TTC16: variants seen among roughly 807,000 people sequenced by gnomAD.
TTC16 encodes the protein tetratricopeptide repeat domain 16, also known as tetratricopeptide repeat protein 16.
TTC16 carries 66 observed loss-of-function variants against 80.4 expected under a neutral mutation model. The observed-to-expected ratio is 0.82, with a 90% CI of 0.67 to 1.01. The LOEUF (loss-of-function observed/expected upper bound fraction) is 1.01. Ranked by LOEUF, TTC16 falls within the 50% of genes least tolerant of loss-of-function variation. The pLI is 0.00. For missense variants in TTC16, 1,070 were observed against 1,103.2 expected (o/e 0.97, Z 0.43); for synonymous variants, 438 against 451.3 (o/e 0.97, Z 0.37).
intron 6 of TTC16, among the ~76,000 whole-genome samples, chr9:127,721,987 T>G (rs1333146817): frequency 6.6e-6 from 1 of 152,188 alleles, no homozygotes; most frequent in Non-Finnish European, 1.5e-5. Context: ...TGATAATTAT[T>G]GGTGACTGTT....
chr9:127,719,072 A>G lies in TTC16; in HGVS notation c.427-1006A>G, dbSNP rs567059804. Among the ~76,000 whole-genome samples, 10 of 151,844 alleles carry G rather than the reference A, an allele frequency of 6.6e-5. No homozygotes were observed. The East Asian group carries it at 1.8e-3, about 27-fold the overall frequency. ...CTAAAAATACAAAAACTAGCTAGGC[A>G]TGGTGGCACGTGCCTGTAATCCCAG... On this transcript the variant is annotated intron_variant, in intron 4 of 13. Transcript: ENST00000373289.
Position 127,726,352 on chromosome 9 carries a change from G to A in TTC16, c.1373G>A (p.Gly458Glu). Residue 458 changes from glycine to glutamate, a missense_variant, in exon 10 of 14, where the codon GGG becomes GAG. Coordinates refer to ENST00000373289, the MANE Select transcript of TTC16 (RefSeq NM_144965.3). ...CGGCAGCTGCTGCAGAACATTTTTG[G>A]GGCCCGCCAGGATGTGGCCACTGTC... is the stretch of plus-strand genomic sequence containing the variant. The part of the protein sequence containing the change: ...KSRQLLQNIF[G>E]ARQDVATVLL... 2 of 1,611,996 alleles carry A rather than the reference G, an allele frequency of 1.2e-6. No homozygotes were observed. The highest frequency in any genetic ancestry group is 1.7e-6 in the Non-Finnish European group (2 of 1,179,194).
intron 9 of TTC16, among the ~76,000 whole-genome samples, 164 bp downstream of exon 9, chr9:127,725,061 T>C (rs1203702645): frequency 6.6e-6 from 1 of 152,158 alleles, no homozygotes; most frequent in Non-Finnish European, 1.5e-5. Context: ...GGTCGAGAGT[T>C]TGAGACCAAT....
chr9:127,717,860 T>C, intron 4 of TTC16, 88 bp downstream of exon 4: 1 of 1,481,166 alleles, frequency 6.8e-7, no homozygotes. Context: ...TCTGTCTCCT[T>C]AGATTCCTCC....
In TTC16 at chr9:127,724,755, G is replaced by C; in HGVS notation, c.1118-1G>C. 3 of 1,609,146 alleles carry C rather than the reference G, an allele frequency of 1.9e-6. No individual in the cohort carries two copies. Among genetic ancestry groups the C allele is most frequent in the Non-Finnish European group, 2.5e-6 (3 of 1,179,102 alleles). On this transcript the variant is annotated splice_acceptor_variant, in intron 8 of 13. Transcript: ENST00000373289. LOFTEE classifies it high-confidence loss of function. ...CACTCACCCCCGCCTCCGGACCCTA[G>C]ATTGCTTCTTCCAGCTGGGCAACCT...
At chr9:127,720,937 TTCC>T (rs1173069232) in intron 6 of TTC16, among the ~76,000 whole-genome samples, 1 of 114,634 alleles carries the variant, frequency 8.7e-6, no homozygotes, top group East Asian at 2.9e-4. Context: ...CCCTTCCCCC[TTCC>T]TCCTTTCCTC....
rs1843193408 is a variant in TTC16 at position 127,718,102 on chromosome 9, A to T, written c.426+330A>T. Among the ~76,000 whole-genome samples, 2 of 151,890 alleles carry T rather than the reference A, an allele frequency of 1.3e-5. No homozygotes were observed. The highest frequency in any genetic ancestry group is 4.2e-4 in the South Asian group (2 of 4,814). ...TTTATTTTATTTTATTATTATTATTATTTTTGAGACAGTCTTGCTCTGTCA... is the reference window on the plus strand; with the variant it reads ...TTTATTTTATTTTATTATTATTATTTTTTTTGAGACAGTCTTGCTCTGTCA... On this transcript the variant is annotated intron_variant, in intron 4 of 13. Coordinates refer to ENST00000373289, the MANE Select transcript of TTC16 (RefSeq NM_144965.3). This position sits in a 1 kb window ranked among gnomAD's most constrained non-coding sequence, Gnocchi z 4.6.
rs754250819 is a variant in TTC16, at chr9:127,720,335, G to C, written c.597G>C (p.Gln199His). The change falls in exon 6 of 14, where the codon CAG (glutamine) becomes CAC (histidine). Residue 199 changes from glutamine (Q) to histidine (H), a missense_variant. By Grantham distance (24) the Gln-to-His change is conservative. Transcript: ENST00000373289. The part of the protein sequence containing the change: ...CLTLITNELK[Q>H]DTTNADVYIF... ...CGCTCATCACCAACGAGCTGAAGCA[G>C]GACACCACCAACGCCGATGTCTACA... 22 of 1,613,376 alleles carry C rather than the reference G, an allele frequency of 1.4e-5. No homozygotes were observed.
intron 12 of TTC16, 88 bp from the exon 13 acceptor site, chr9:127,729,493 C>G (rs1844214790): frequency 9.0e-7 from 1 of 1,108,606 alleles, no homozygotes; most frequent in Non-Finnish European, 1.4e-6. Flanking sequence ...AGAATGACCA[C>G]CGAGGGGCCC....
Position 127,727,366 on chromosome 9 carries a change from G to A in TTC16, c.1665G>A (p.Leu555=). ...GEPLIATSEE[L]KATPEIPQVK... is the part of the protein sequence containing the mutation. ...CTTTGATTGCGACCTCCGAGGAGCT[G>A]AAGGCCACCCCTGAGATTCCGCAGG... The change falls in exon 12 of 14, where the codon CTG becomes CTA. Residue 555 remains leucine, a synonymous_variant. Transcript: ENST00000373289. 1 of 1,610,960 alleles carries A rather than the reference G, an allele frequency of 6.2e-7. No individual in the cohort carries two copies. The highest frequency in any genetic ancestry group is 8.5e-7 in the Non-Finnish European group (1 of 1,178,364).
At position 127,727,390 on chromosome 9, in the gene TTC16, G is replaced by A; in HGVS notation, c.1689G>A (p.Gln563=). The A allele has an allele frequency of 6.2e-7, 1 of 1,611,508 alleles. No homozygotes were observed. Among genetic ancestry groups the A allele is most frequent in the Non-Finnish European group, 8.5e-7 (1 of 1,179,286 alleles). ...EELKATPEIP[Q]VKPGSSEGEA... is the part of the protein sequence containing the mutation. Reference sequence around the variant, plus strand: ...TGAAGGCCACCCCTGAGATTCCGCAGGTAAAACCGGGAAGCTCAGAGGGAG... The same window carrying A: ...TGAAGGCCACCCCTGAGATTCCGCAAGTAAAACCGGGAAGCTCAGAGGGAG... The change falls in exon 12 of 14, where the codon CAG becomes CAA. Residue 563 remains glutamine, a synonymous_variant. Transcript: ENST00000373289.
chr9:127,724,092 C>A, intron 7 of TTC16, 28 bp from the exon 8 acceptor site: 1 of 1,537,408 alleles, frequency 6.5e-7, no homozygotes, highest in South Asian at 1.2e-5. Context: ...CATGTCCCTC[C>A]TGCCGTCTCC....
intron 6 of TTC16, 100 bp from the exon 7 acceptor site, chr9:127,723,019 C>A: frequency 8.4e-7 from 1 of 1,190,804 alleles, no homozygotes; most frequent in Non-Finnish European, 1.2e-6. Context: ...GTGAGGGGCA[C>A]GGAGGAGGCA....
intron 6 of TTC16, among the ~76,000 whole-genome samples, chr9:127,720,806 CCCTCCTTCTTTCTT>C: frequency 7.0e-6 from 1 of 141,864 alleles, no homozygotes; most frequent in South Asian, 2.3e-4. Flanking sequence ...CCCCCTTCCT[CCCTCCTTCTTTCTT>C]CCCTCCTGCC....
rs904265252 is a variant in TTC16 at position 127,718,311 on chromosome 9, C to T, written c.426+539C>T. Among the ~76,000 whole-genome samples the T allele has an allele frequency of 9.2e-5, 14 of 152,160 alleles. No individual in the cohort carries two copies. Among genetic ancestry groups the T allele is most frequent in the African/African-American group, 3.4e-4 (14 of 41,436 alleles). On this transcript the variant is annotated intron_variant, in intron 4 of 13. Coordinates refer to ENST00000373289, the MANE Select transcript of TTC16 (RefSeq NM_144965.3). This position sits in a 1 kb window ranked among gnomAD's most constrained non-coding sequence, Gnocchi z 4.6. ...CTTTGTTGCCCAGGCTGGTCTTGAA[C>T]TCCTGGGCTCAGGCAATCCACCCAC... is the stretch of plus-strand genomic sequence containing the variant.
intron 3 of TTC16, 95 bp downstream of exon 3, chr9:127,717,519 A>G: frequency 1.3e-6 from 2 of 1,572,048 alleles, no homozygotes; most frequent in South Asian, 2.4e-5. Flanking sequence ...AGGGCCACCA[A>G]GTCCCTGATG....
At chr9:127,726,172 CA>C in intron 9 of TTC16, 66 bp from the exon 10 acceptor site, 1 of 1,435,188 alleles carries the variant, frequency 7.0e-7, no homozygotes, top group South Asian at 1.5e-5. Flanking sequence ...CAGTGGGGCC[CA>C]GTAGCCACCA....
At position 127,727,653 on chromosome 9, in the gene TTC16, G is replaced by A. The variant is rs1844090875; in HGVS notation, c.1764+188G>A. The A allele has an allele frequency of 2.4e-6, 3 of 1,256,998 alleles. No individual in the cohort carries two copies. The Admixed American group carries it at 9.0e-5, about 38-fold the overall frequency. 77.9% of individuals were successfully genotyped at this position (1,256,998 alleles called of 1,614,324 possible). On this transcript the variant is annotated intron_variant, in intron 12 of 13. Coordinates refer to ENST00000373289, the MANE Select transcript of TTC16 (RefSeq NM_144965.3). ...GATGGTACCAGCAAGGGGTGCTCCT[G>A]ACGGAGGGTGTGTGGGGATGTGGGC...
In TTC16 at chr9:127,730,978, G is replaced by C. The variant is rs1465811713; in HGVS notation, c.2195G>C (p.Ser732Thr). The change falls in exon 14 of 14, where the codon AGC becomes ACC. Residue 732 changes from serine (S) to threonine (T), a missense_variant. Physicochemically the swap from Ser to Thr is moderately conservative, Grantham distance 58. Transcript: ENST00000373289. ...AGGGCCACCCAGGGCCAGGGGCAGA[G>C]CTCCAGCAAGACTGAGGCCACTCAG... ...KTRATQGQGQ[S>T]SSKTEATQGQ... 1.9e-6 allele frequency: 3 copies of C among 1,612,454 alleles called. No homozygotes were observed. The Admixed American group carries it at 5.0e-5, about 27-fold the overall frequency.
Sources: gnomAD v4.1 joint callset for allele counts (sites outside exome capture counted in the v4.1 genomes callset) on GRCh38, gnomAD v4.1.1 for gene constraint, Gnocchi (gnomAD v3.1) non-coding constraint, MANE v1.5 for transcripts, NCBI Gene and HGNC (gene_info 2026-07-23, HGNC 2026-07-21) for gene names.